The following SLC2A7 variants were observed in gnomAD, a reference collection of about 807,000 sequenced individuals.
SLC2A7 encodes solute carrier family 2, facilitated glucose transporter member 7.
In SLC2A7, 50 loss-of-function variants were observed where a neutral mutation model predicts 50.5. That is an observed-to-expected ratio of 0.99 (90% CI 0.79 to 1.25). SLC2A7 has a LOEUF of 1.25. Ranked by LOEUF, SLC2A7 falls within the 50% of genes most tolerant of loss-of-function variation. The probability of loss-of-function intolerance (pLI) is 0.00; values close to 1 mark genes in which losing one functional copy is unlikely to be tolerated. For missense variants in SLC2A7, 683 were observed against 679.1 expected (o/e 1.01, Z -0.06); for synonymous variants, 308 against 300.4 (o/e 1.03, Z -0.26).
chr1:9,003,984 A>G (rs1640614487), intron 11 of SLC2A7, among the ~76,000 whole-genome samples: 1 of 151,868 alleles, frequency 6.6e-6, no homozygotes, highest in Non-Finnish European at 1.5e-5. Flanking sequence ...GGAATGATAT[A>G]GCTAGAAAAC....
intron 9 of SLC2A7, 134 bp downstream of exon 9, chr1:9,010,009 T>G: frequency 2.7e-6 from 2 of 739,736 alleles, no homozygotes; most frequent in South Asian, 1.7e-5. Flanking sequence ...CATTGCAAAG[T>G]ACTTTTCCAG....
intron 6 of SLC2A7, 30 bp from the exon 7 acceptor site, chr1:9,014,898 G>A (rs867783283): frequency 6.4e-7 from 1 of 1,556,050 alleles, no homozygotes; most frequent in Non-Finnish European, 8.7e-7. Context: ...CCGCTCAGAG[G>A]GCCGTCTCCC....
downstream of SLC2A7, among the ~76,000 whole-genome samples, chr1:9,000,837 A>C (rs922793086): frequency 5.3e-5 from 8 of 150,766 alleles, no homozygotes; most frequent in African/African-American, 2.0e-4. Flanking sequence ...CCCAGGTGTG[A>C]GGAGCCCAGG....
At chr1:9,017,424 A>G (rs1170339843) in intron 5 of SLC2A7, among the ~76,000 whole-genome samples, 2 of 152,176 alleles carry the variant, frequency 1.3e-5, no homozygotes, top group Non-Finnish European at 2.9e-5. Context: ...CCTATTCTGC[A>G]GAGGGTCCTG....
At chr1:9,015,270 C>A in intron 5 of SLC2A7, 28 bp from the exon 6 acceptor site, 1 of 1,552,256 alleles carries the variant, frequency 6.4e-7, no homozygotes, top group African/African-American at 1.4e-5. Flanking sequence ...CTCAGGATCC[C>A]GGGGCCTGGG....
intron 3 of SLC2A7, among the ~76,000 whole-genome samples, chr1:9,022,266 A>C (rs1185148832): frequency 6.6e-6 from 1 of 152,192 alleles, no homozygotes; most frequent in Non-Finnish European, 1.5e-5. Flanking sequence ...GACCTAAGGG[A>C]ATGCCACCAG....
At chr1:8,997,198 C>T in the SLC2A7 span, among the ~76,000 whole-genome samples, 3 of 152,080 alleles carry the variant, frequency 2.0e-5, no homozygotes, top group South Asian at 6.2e-4. Flanking sequence ...CCCAGTGACT[C>T]GAGAGGCTGA....
chr1:9,014,800 C>T lies in SLC2A7; in HGVS notation c.784G>A (p.Ala262Thr). 6.2e-7 allele frequency: 1 copy of T among 1,603,204 alleles called. No homozygotes were observed. Among genetic ancestry groups the T allele is most frequent in the South Asian group, 1.1e-5 (1 of 89,244 alleles). ...GACAGGTGGCCCTCGGCGCGCTCGG[C>T]CCGGGCCTCCGCACGCATGTCCTCC... The part of the protein sequence containing the change: ...ELEDMRAEAR[A>T]ERAEGHLSVL... The change falls in exon 7 of 12, where the codon GCC (alanine) becomes ACC (threonine). Residue 262 changes from alanine (A) to threonine (T), a missense_variant. By Grantham distance (58) the Ala-to-Thr change is moderately conservative. Coordinates refer to ENST00000400906, the MANE Select transcript of SLC2A7 (RefSeq NM_207420.3).
chr1:9,014,595 G>T, intron 7 of SLC2A7, 86 bp downstream of exon 7: 1 of 1,490,326 alleles, frequency 6.7e-7, no homozygotes, highest in Non-Finnish European at 9.0e-7. Context: ...GCCAGGCCAG[G>T]CCTCTGTGGG....
intron 9 of SLC2A7, among the ~76,000 whole-genome samples, chr1:9,009,565 T>C (rs1640712131): frequency 6.6e-6 from 1 of 152,216 alleles, no homozygotes; most frequent in Non-Finnish European, 1.5e-5. Flanking sequence ...CAGGTGATCC[T>C]CCCACCTCAG....
intron 10 of SLC2A7, 47 bp downstream of exon 10, chr1:9,007,263 G>A: frequency 6.2e-7 from 1 of 1,602,268 alleles, no homozygotes; most frequent in Non-Finnish European, 8.6e-7. Flanking sequence ...GTCAGGCCCA[G>A]GAATGGACCA....
the SLC2A7 span, among the ~76,000 whole-genome samples, chr1:8,995,923 A>G: frequency 6.6e-6 from 1 of 151,894 alleles, no homozygotes; most frequent in African/African-American, 2.4e-5. Flanking sequence ...ACGTGCTATG[A>G]CACTCTCCCA....
At chr1:9,001,034 T>A (rs1640566479), downstream of SLC2A7, among the ~76,000 whole-genome samples, 1 of 151,974 alleles carries the variant, frequency 6.6e-6, no homozygotes, top group Non-Finnish European at 1.5e-5. Flanking sequence ...ACAATAGCTG[T>A]CATTGTTTTA....
At chr1:9,001,709 C>T (rs1271777661), downstream of SLC2A7, among the ~76,000 whole-genome samples, 1 of 152,020 alleles carries the variant, frequency 6.6e-6, no homozygotes, top group African/African-American at 2.4e-5. Context: ...TGAGTCACCA[C>T]GCCCGGCACT....
chr1:9,010,548 A>G (rs1640732626), intron 8 of SLC2A7, among the ~76,000 whole-genome samples: 1 of 151,936 alleles, frequency 6.6e-6, no homozygotes, highest in Non-Finnish European at 1.5e-5. Context: ...CGTAGAGACG[A>G]GGTTTCACCA....
chr1:9,005,002 C>G, intron 10 of SLC2A7, 123 bp from the exon 11 acceptor site: 1 of 1,163,338 alleles, frequency 8.6e-7, no homozygotes, highest in Admixed American at 2.7e-5. Flanking sequence ...GGATTGGGGA[C>G]TGGAAAGGAA....
chr1:9,018,345 A>G lies in SLC2A7; in HGVS notation c.467T>C (p.Leu156Pro). 1 of 1,614,172 alleles carries G rather than the reference A, an allele frequency of 6.2e-7. No individual in the cohort carries two copies. Among genetic ancestry groups the G allele is most frequent in the Non-Finnish European group, 8.5e-7 (1 of 1,180,024 alleles). The change falls in exon 5 of 12, where the codon CTG becomes CCG. Residue 156 changes from leucine (L) to proline (P), a missense_variant. Physicochemically the swap from Leu to Pro is moderately conservative, Grantham distance 98. Transcript: ENST00000400906. ...CAGGTTCTTGGGGGCCAGTTCTCCC[A>G]GGTACATGGGAAGGGCGCTGTAGGA... ...GISYSALPMY[L>P]GELAPKNLRG...
chr1:9,018,400 G>A (rs892574577), intron 4 of SLC2A7, 25 bp from the exon 5 acceptor site: 1 of 1,613,004 alleles, frequency 6.2e-7, no homozygotes. Context: ...GCAGAAATCA[G>A]GGCAGGCAAA....
At chr1:9,023,281 G>A (rs1182319791) in intron 2 of SLC2A7, among the ~76,000 whole-genome samples, 2 of 152,168 alleles carry the variant, frequency 1.3e-5, no homozygotes, top group Non-Finnish European at 2.9e-5. Flanking sequence ...AAACTAGGCT[G>A]AACAAAAAGA....
Sources: allele counts gnomAD v4.1 joint callset (sites outside exome capture counted in the v4.1 genomes callset), GRCh38; gene constraint gnomAD v4.1.1; transcripts MANE v1.5; gene names NCBI Gene and HGNC (gene_info 2026-07-23, HGNC 2026-07-21).